GRID1: variants seen among roughly 807,000 people sequenced by gnomAD.
GRID1 encodes glutamate receptor ionotropic, delta-1.
A neutral mutation model predicts 98.0 loss-of-function variants in GRID1; 28 were observed. The observed-to-expected ratio is 0.29, with a 90% CI of 0.21 to 0.39. The LOEUF is 0.39. Among genes scored for constraint, GRID1 ranks in the 10% least tolerant of loss-of-function variants. The pLI, the probability that GRID1 is intolerant of heterozygous loss-of-function variation, is 1.00. For synonymous variants in GRID1, 553 were observed against 538.5 expected (o/e 1.03, Z -0.37); for missense variants, 1,111 against 1,340.5 (o/e 0.83, Z 2.67).
At position 85,602,084 on chromosome 10, in the gene GRID1, G is replaced by A; in HGVS notation, c.*189C>T. 1 of 446,852 alleles carries A rather than the reference G, an allele frequency of 2.2e-6. No individual in the cohort carries two copies. The highest frequency in any genetic ancestry group is 3.9e-6 in the Non-Finnish European group (1 of 254,592). 27.7% of individuals were successfully genotyped at this position (446,852 alleles called of 1,614,324 possible). On this transcript the variant is annotated 3_prime_UTR_variant, in exon 16 of 16. Coordinates refer to ENST00000327946, the MANE Select transcript of GRID1 (RefSeq NM_017551.3). The stretch of plus-strand genomic sequence containing the variant: ...TTTTTTTACTGACTTCGAAAATTGG[G>A]AATATTCAAAATACACTTTTACCCC...
At chr10:85,645,300 G>A (rs771501025) in intron 13 of GRID1, among the ~76,000 whole-genome samples, 9 of 152,150 alleles carry the variant, frequency 5.9e-5, no homozygotes, top group Non-Finnish European at 1.0e-4. Context: ...GGCCTCACAT[G>A]CACAAAAGGC....
At chr10:85,734,489 G>C in intron 8 of GRID1, among the ~76,000 whole-genome samples, 1 of 152,068 alleles carries the variant, frequency 6.6e-6, no homozygotes, top group Non-Finnish European at 1.5e-5. Context: ...AAGTATTTTT[G>C]TTTTGTTTTG....
intron 3 of GRID1, among the ~76,000 whole-genome samples, chr10:86,167,495 G>A (rs556203657): frequency 3.5e-4 from 54 of 152,344 alleles, no homozygotes; most frequent in African/African-American, 1.3e-3. Flanking sequence ...AAGGACCTCA[G>A]GATCAGGCAA....
intron 12 of GRID1, among the ~76,000 whole-genome samples, chr10:85,700,771 T>G (rs895582904): frequency 6.6e-6 from 1 of 152,190 alleles, no homozygotes; most frequent in Non-Finnish European, 1.5e-5. Flanking sequence ...TTGCTTAATG[T>G]AATTGATAAG....
chr10:85,979,453 AG>A lies in GRID1; in HGVS notation c.727-63215del, dbSNP rs201073402. Reference sequence around the variant, plus strand: ...GATGGAAATCTGAGATTAAGGTGTCAGCAGGGCTGGTTCCCCTGAGGACCAG... The same window carrying A: ...GATGGAAATCTGAGATTAAGGTGTCACAGGGCTGGTTCCCCTGAGGACCAG... On this transcript the variant is annotated intron_variant, in intron 4 of 15. Transcript: ENST00000327946. 4.4e-3 allele frequency among the ~76,000 whole-genome samples: 668 copies of A among 152,332 alleles called. 7 individuals are homozygous for A. The highest frequency in any genetic ancestry group is 0.015 in the African/African-American group (621 of 41,586).
chr10:85,855,989 C>A (rs1160092252), intron 7 of GRID1, 40 bp downstream of exon 7: 1 of 1,593,692 alleles, frequency 6.3e-7, no homozygotes, highest in Non-Finnish European at 8.6e-7. Flanking sequence ...TAAGAAGGGG[C>A]CTGTCTTTGG....
chr10:85,697,342 T>C (rs970897912), intron 12 of GRID1, among the ~76,000 whole-genome samples: 1 of 152,154 alleles, frequency 6.6e-6, no homozygotes, highest in African/African-American at 2.4e-5. Flanking sequence ...TCTGGTGAAT[T>C]TGTTCCTTTT....
intron 2 of GRID1, among the ~76,000 whole-genome samples, chr10:86,322,037 C>T (rs933483095): frequency 6.6e-6 from 1 of 151,810 alleles, no homozygotes; most frequent in Non-Finnish European, 1.5e-5. Context: ...ACACTTTGAA[C>T]GAGAAAACAG....
chr10:86,139,244 A>G (rs1844977696), intron 3 of GRID1, among the ~76,000 whole-genome samples: 1 of 152,126 alleles, frequency 6.6e-6, no homozygotes, highest in East Asian at 1.9e-4. Flanking sequence ...CTCCCCCTAC[A>G]GGTTGGATGC....
At chr10:85,875,168 G>A (rs1304396673) in intron 5 of GRID1, among the ~76,000 whole-genome samples, 4 of 152,100 alleles carry the variant, frequency 2.6e-5, no homozygotes, top group African/African-American at 9.7e-5. Context: ...GTCAGCTATC[G>A]TGCCTGGCCA....
At chr10:86,021,406 C>T (rs565546207) in intron 4 of GRID1, among the ~76,000 whole-genome samples, 12 of 152,188 alleles carry the variant, frequency 7.9e-5, no homozygotes, top group Admixed American at 4.6e-4. Context: ...AGATTTCTTT[C>T]CCCCAGAAAA....
At chr10:86,005,797 G>A (rs1357126144) in intron 4 of GRID1, among the ~76,000 whole-genome samples, 2 of 152,206 alleles carry the variant, frequency 1.3e-5, no homozygotes, top group African/African-American at 4.8e-5. Flanking sequence ...ACAAAGATTT[G>A]CCTGACAGCA....
At chr10:86,219,486 G>T (rs896888249) in intron 2 of GRID1, among the ~76,000 whole-genome samples, 1 of 152,164 alleles carries the variant, frequency 6.6e-6, no homozygotes, top group Non-Finnish European at 1.5e-5. Context: ...CTGCCAGCAA[G>T]CCCCCAGCAT....
chr10:85,636,594 A>G (rs574506040), intron 13 of GRID1, among the ~76,000 whole-genome samples: 1 of 152,254 alleles, frequency 6.6e-6, no homozygotes, highest in African/African-American at 2.4e-5. Flanking sequence ...AAAGCAAAAT[A>G]AAGCAAAAAT....
intron 5 of GRID1, among the ~76,000 whole-genome samples, chr10:85,880,319 A>T (rs571073512): frequency 6.6e-6 from 1 of 152,266 alleles, no homozygotes; most frequent in African/African-American, 2.4e-5. Context: ...GACACAACCA[A>T]AAAAGAGAAT....
At chr10:86,226,311 A>T (rs1589417754) in intron 2 of GRID1, among the ~76,000 whole-genome samples, 1 of 130,642 alleles carries the variant, frequency 7.7e-6, no homozygotes, top group African/African-American at 3.0e-5. Flanking sequence ...GTCAGAGCCC[A>T]CCCCAGCACA....
At chr10:86,107,771 C>T (rs954398793) in intron 4 of GRID1, among the ~76,000 whole-genome samples, 1 of 152,136 alleles carries the variant, frequency 6.6e-6, no homozygotes. Context: ...CAGCAGGTAC[C>T]GGGAGGCCAG....
chr10:86,358,251 C>A (rs1382394883), intron 2 of GRID1, among the ~76,000 whole-genome samples: 4 of 152,078 alleles, frequency 2.6e-5, no homozygotes. Context: ...GGATGCCCCG[C>A]AGTAAGCAAG....
At chr10:85,715,516 C>T (rs1309129550) in intron 12 of GRID1, among the ~76,000 whole-genome samples, 1 of 151,978 alleles carries the variant, frequency 6.6e-6, no homozygotes, top group Non-Finnish European at 1.5e-5. Context: ...TCACTAACCA[C>T]AAAACAAATA....
Sources: allele counts gnomAD v4.1 joint callset (sites outside exome capture counted in the v4.1 genomes callset), GRCh38; gene constraint gnomAD v4.1.1; transcripts MANE v1.5; gene names NCBI Gene and HGNC (gene_info 2026-07-23, HGNC 2026-07-21).